Variants in CNTN5 observed in about 807,000 individuals in gnomAD.
The protein encoded by CNTN5 is contactin-5.
Under a neutral mutation model 129.1 loss-of-function variants are expected in CNTN5, and 77 were observed. The observed-to-expected ratio is 0.60, with a 90% CI of 0.50 to 0.72. CNTN5 has a LOEUF of 0.72. Among genes scored for constraint, CNTN5 ranks in the 30% least tolerant of loss-of-function variants. CNTN5 has a pLI of 0.00. For synonymous variants in CNTN5, 509 were observed against 465.6 expected (o/e 1.09, Z -1.20); for missense variants, 1,478 against 1,328.8 (o/e 1.11, Z -1.75).
chr11:100,045,102 T>C (rs1274195905), intron 9 of CNTN5, among the ~76,000 whole-genome samples: 1 of 148,232 alleles, frequency 6.7e-6, no homozygotes, highest in Non-Finnish European at 1.5e-5. Context: ...ACCCAAAGCC[T>C]TGTCTTCCAT....
intron 6 of CNTN5, among the ~76,000 whole-genome samples, chr11:99,850,039 A>G (rs1473573430): frequency 6.6e-6 from 1 of 152,142 alleles, no homozygotes; most frequent in East Asian, 1.9e-4. Flanking sequence ...AATGAAAATA[A>G]GCATGCAATC....
intron 3 of CNTN5, among the ~76,000 whole-genome samples, chr11:99,718,942 C>T (rs994743492): frequency 8.6e-5 from 13 of 151,952 alleles, no homozygotes; most frequent in East Asian, 1.9e-4. Flanking sequence ...GGATTTTCAC[C>T]GGTAATAGAA....
chr11:100,103,258 G>A (rs11222782), intron 13 of CNTN5, among the ~76,000 whole-genome samples: 1,657 of 152,262 alleles, frequency 0.011, 36 homozygotes, highest in African/African-American at 0.038. Flanking sequence ...TAAGAGAACA[G>A]TCTGTTAAAA....
intron 13 of CNTN5, among the ~76,000 whole-genome samples, chr11:100,126,152 T>C (rs1317716108): frequency 6.6e-6 from 1 of 152,158 alleles, no homozygotes; most frequent in Non-Finnish European, 1.5e-5. Context: ...TGTATTCCAC[T>C]GTGACCCAAG....
chr11:99,262,531 T>C (rs1241293423), intron 1 of CNTN5, among the ~76,000 whole-genome samples: 2 of 151,924 alleles, frequency 1.3e-5, no homozygotes, highest in African/African-American at 2.4e-5. Flanking sequence ...TTTCAAAATG[T>C]TGGCATAATT....
chr11:100,179,634 T>C (rs1948076211), intron 13 of CNTN5, among the ~76,000 whole-genome samples: 1 of 152,056 alleles, frequency 6.6e-6, no homozygotes, highest in South Asian at 2.1e-4. Flanking sequence ...TATTGAGTCA[T>C]ATAGTGTCTG....
chr11:99,429,366 C>A (rs1233429765), intron 2 of CNTN5, among the ~76,000 whole-genome samples: 3 of 152,122 alleles, frequency 2.0e-5, no homozygotes, highest in African/African-American at 7.2e-5. Flanking sequence ...ACTCATAAGA[C>A]TTTTATTCCA....
At chr11:99,729,735 T>A (rs1403907429) in intron 3 of CNTN5, among the ~76,000 whole-genome samples, 1 of 152,096 alleles carries the variant, frequency 6.6e-6, no homozygotes, top group African/African-American at 2.4e-5. Flanking sequence ...AGGAGTGAGA[T>A]CATGTCCTGT....
intron 3 of CNTN5, among the ~76,000 whole-genome samples, chr11:99,652,721 C>T (rs996664195): frequency 6.6e-6 from 1 of 151,996 alleles, no homozygotes; most frequent in Admixed American, 6.6e-5. Flanking sequence ...TACTAACATG[C>T]TTCAGAATGA....
intron 13 of CNTN5, among the ~76,000 whole-genome samples, chr11:100,125,817 C>T (rs996148132): frequency 1.3e-5 from 2 of 151,610 alleles, no homozygotes; most frequent in East Asian, 1.9e-4. Flanking sequence ...TCTTTTCTGC[C>T]GTGATTTTAG....
At chr11:99,744,658 T>G (rs1759484193) in intron 3 of CNTN5, among the ~76,000 whole-genome samples, 2 of 141,572 alleles carry the variant, frequency 1.4e-5, no homozygotes, top group South Asian at 2.3e-4. Context: ...AGGTCTAGAC[T>G]GCAGTGAGCA....
chr11:100,222,248 T>C (rs921514259), intron 15 of CNTN5, among the ~76,000 whole-genome samples: 13 of 152,176 alleles, frequency 8.5e-5, no homozygotes, highest in African/African-American at 3.1e-4. Context: ...GAGTTTTTGC[T>C]TCTGATAGAT....
At chr11:99,139,070 A>G (rs976093336) in intron 1 of CNTN5, among the ~76,000 whole-genome samples, 1 of 148,004 alleles carries the variant, frequency 6.8e-6, no homozygotes, top group Non-Finnish European at 1.5e-5. Flanking sequence ...TTGGGTAGAG[A>G]TGGGCGAAAC....
At chr11:99,826,202 T>C (rs566624828) in intron 4 of CNTN5, among the ~76,000 whole-genome samples, 1 of 152,292 alleles carries the variant, frequency 6.6e-6, no homozygotes, top group East Asian at 1.9e-4. Context: ...TTTGGTTTTC[T>C]TTGCAAGTAC....
chr11:100,253,124 A>C (rs541030832), intron 16 of CNTN5, among the ~76,000 whole-genome samples: 18 of 151,066 alleles, frequency 1.2e-4, no homozygotes, highest in African/African-American at 4.3e-4. Flanking sequence ...TATCTCTACA[A>C]CATAAAGTGT....
chr11:100,287,010 T>G (rs1187786814), intron 18 of CNTN5, among the ~76,000 whole-genome samples: 8 of 151,920 alleles, frequency 5.3e-5, no homozygotes, highest in African/African-American at 1.7e-4. Context: ...GTATCAGCAA[T>G]GGAAGATGAA....
intron 2 of CNTN5, among the ~76,000 whole-genome samples, chr11:99,436,710 A>C (rs531284566): frequency 6.6e-6 from 1 of 152,162 alleles, no homozygotes; most frequent in East Asian, 1.9e-4. Context: ...TTACATTTAC[A>C]AAATACTCAA....
intron 2 of CNTN5, among the ~76,000 whole-genome samples, chr11:99,360,754 T>A (rs568398233): frequency 1.3e-5 from 2 of 152,306 alleles, no homozygotes; most frequent in East Asian, 1.9e-4. Flanking sequence ...ATACTAATCT[T>A]TTTATCAAAA....
At chr11:99,289,412 A>G (rs1302759565) in intron 1 of CNTN5, among the ~76,000 whole-genome samples, 1 of 151,806 alleles carries the variant, frequency 6.6e-6, no homozygotes, top group Non-Finnish European at 1.5e-5. Context: ...CATTACTGGG[A>G]GATCAGAGTG....
Sources: allele counts gnomAD v4.1 joint callset (sites outside exome capture counted in the v4.1 genomes callset), GRCh38; gene constraint gnomAD v4.1.1; transcripts MANE v1.5; gene names NCBI Gene and HGNC (gene_info 2026-07-23, HGNC 2026-07-21).